RAD51B: variants seen among roughly 807,000 people sequenced by gnomAD.
RAD51B encodes the protein DNA repair protein RAD51 homolog 2.
Under a neutral mutation model 42.2 loss-of-function variants are expected in RAD51B, and 38 were observed. That is an observed-to-expected ratio of 0.90 (90% CI 0.70 to 1.18). The LOEUF (loss-of-function observed/expected upper bound fraction) is 1.18, where lower values mean the gene tolerates loss of function less well. Ranked by LOEUF, RAD51B falls within the 50% of genes most tolerant of loss-of-function variation. The pLI is 0.00. For missense variants in RAD51B, 373 were observed against 400.7 expected (o/e 0.93, Z 0.59); for synonymous variants, 154 against 145.2 (o/e 1.06, Z -0.43).
chr14:68,597,797 A>G (rs1170620917), downstream of RAD51B, among the ~76,000 whole-genome samples: 2 of 44,654 alleles, frequency 4.5e-5, no homozygotes, highest in African/African-American at 1.7e-4. Flanking sequence ...AACCTAAAAT[A>G]CAAGTTAAAA....
chr14:67,835,233 C>G (rs2041196771), intron 4 of RAD51B, 37 bp downstream of exon 4: 1 of 1,406,050 alleles, frequency 7.1e-7, no homozygotes, highest in Non-Finnish European at 1.0e-6. Flanking sequence ...TTCCATTGAC[C>G]TATAACCTTC....
At chr14:68,233,281 C>T (rs1245021586) in intron 7 of RAD51B, among the ~76,000 whole-genome samples, 2 of 152,126 alleles carry the variant, frequency 1.3e-5, no homozygotes, top group Non-Finnish European at 2.9e-5. Context: ...AAGCATGGTA[C>T]TAATATTTTC....
At chr14:67,960,361 G>A (rs958410200) in intron 7 of RAD51B, among the ~76,000 whole-genome samples, 1 of 152,080 alleles carries the variant, frequency 6.6e-6, no homozygotes, top group East Asian at 1.9e-4. Context: ...ATTCAGAATC[G>A]TTATGATTGT....
At chr14:68,427,355 A>G (rs1956534) in intron 9 of RAD51B, among the ~76,000 whole-genome samples, 47,493 of 152,094 alleles carry the variant, frequency 0.31, 8,036 homozygotes, top group East Asian at 0.5. Context: ...AAGCAGCAAG[A>G]CTAACCCGTA....
chr14:67,883,025 G>A (rs547082266), intron 5 of RAD51B, among the ~76,000 whole-genome samples: 3 of 152,334 alleles, frequency 2.0e-5, no homozygotes, highest in South Asian at 2.1e-4. Flanking sequence ...GATTGCAGGC[G>A]TGAGCCACCG....
chr14:68,178,160 A>G (rs1044130482), intron 7 of RAD51B, among the ~76,000 whole-genome samples: 2 of 152,094 alleles, frequency 1.3e-5, no homozygotes, highest in South Asian at 4.1e-4. Context: ...GATCAAACAC[A>G]CAGCTTGAAT....
intron 7 of RAD51B, among the ~76,000 whole-genome samples, chr14:68,185,108 C>G (rs1418672969): frequency 1.3e-5 from 2 of 152,010 alleles, no homozygotes; most frequent in Non-Finnish European, 2.9e-5. Flanking sequence ...TTTGTATTTA[C>G]TACTTCACCC....
At chr14:68,596,114 C>T (rs1020452218), downstream of RAD51B, 2 of 895,330 alleles carry the variant, frequency 2.2e-6, no homozygotes, top group Non-Finnish European at 2.7e-6. Flanking sequence ...TCAAATTCTT[C>T]AGCCCTTTCC....
chr14:67,991,894 T>TATATA (rs1484211463), intron 7 of RAD51B, among the ~76,000 whole-genome samples: 2 of 152,126 alleles, frequency 1.3e-5, no homozygotes, highest in Non-Finnish European at 2.9e-5. Context: ...GAGAACAAGT[T>TATATA]TATAATATAA....
At chr14:67,893,507 C>CAAAAAAAAAA (rs1380063620) in intron 7 of RAD51B, among the ~76,000 whole-genome samples, 1 of 75,358 alleles carries the variant, frequency 1.3e-5, no homozygotes, top group East Asian at 6.0e-4. Flanking sequence ...CACACACACA[C>CAAAAAAAAAA]ACAAAAAAAA....
chr14:68,597,046 C>T (rs1035765306), downstream of RAD51B, among the ~76,000 whole-genome samples: 2 of 152,218 alleles, frequency 1.3e-5, no homozygotes, highest in African/African-American at 4.8e-5. Flanking sequence ...TTGTGCCTGT[C>T]ATTGCACACA....
At chr14:67,964,853 G>A (rs2140237676) in intron 7 of RAD51B, among the ~76,000 whole-genome samples, 1 of 152,204 alleles carries the variant, frequency 6.6e-6, no homozygotes, top group African/African-American at 2.4e-5. Context: ...TTATTATTGG[G>A]AATTTATTTT....
chr14:68,678,907 C>A (rs1435236867), intron 11 of RAD51B, among the ~76,000 whole-genome samples: 2 of 152,114 alleles, frequency 1.3e-5, no homozygotes, highest in African/African-American at 4.8e-5. Flanking sequence ...CCCAGATGCT[C>A]CAGCTCCACC....
At chr14:67,980,944 A>C (rs1009136524) in intron 7 of RAD51B, among the ~76,000 whole-genome samples, 2 of 152,232 alleles carry the variant, frequency 1.3e-5, no homozygotes, top group African/African-American at 4.8e-5. Flanking sequence ...GGCAAGCCAC[A>C]GATTTGTGGA....
chr14:68,679,192 A>G (rs1313731554), intron 11 of RAD51B, among the ~76,000 whole-genome samples: 1 of 152,252 alleles, frequency 6.6e-6, no homozygotes, highest in Non-Finnish European at 1.5e-5. Context: ...TGCACCTATC[A>G]TCTCCTTAAA....
intron 10 of RAD51B, among the ~76,000 whole-genome samples, chr14:68,485,449 C>A (rs986642875): frequency 6.6e-6 from 1 of 152,008 alleles, no homozygotes; most frequent in African/African-American, 2.4e-5. Flanking sequence ...AAATAAAATC[C>A]CTCTCTCAGC....
intron 9 of RAD51B, among the ~76,000 whole-genome samples, chr14:68,458,621 C>A (rs1330721834): frequency 6.6e-6 from 1 of 151,110 alleles, no homozygotes; most frequent in African/African-American, 2.4e-5. Context: ...GATCTTATAA[C>A]CTCAGGGTCA....
At chr14:67,944,203 T>A (rs1239318369) in intron 7 of RAD51B, among the ~76,000 whole-genome samples, 2 of 75,180 alleles carry the variant, frequency 2.7e-5, no homozygotes, top group Non-Finnish European at 4.8e-5. Context: ...AAGTAAAGAT[T>A]TTTTTTTTTT....
intron 8 of RAD51B, among the ~76,000 whole-genome samples, chr14:68,401,863 C>T (rs550572632): frequency 1.3e-5 from 2 of 152,172 alleles, no homozygotes; most frequent in Admixed American, 6.5e-5. Flanking sequence ...TATATTTTTT[C>T]GTATCTAAAA....
Sources: gnomAD v4.1 joint callset for allele counts (sites outside exome capture counted in the v4.1 genomes callset) on GRCh38, gnomAD v4.1.1 for gene constraint, MANE v1.5 for transcripts, NCBI Gene and HGNC (gene_info 2026-07-23, HGNC 2026-07-21) for gene names.